The following LINGO2 variants were observed in gnomAD, a reference collection of about 807,000 sequenced individuals.
The protein encoded by LINGO2 is leucine-rich repeat and immunoglobulin-like domain-containing nogo receptor-interacting protein 2.
A neutral mutation model predicts 30.6 loss-of-function variants in LINGO2; 14 were observed. The ratio of observed to expected loss-of-function variants is 0.46; its 90% CI spans 0.30 to 0.72. The LOEUF is 0.72. Ranked by LOEUF, LINGO2 falls within the 30% of genes least tolerant of loss-of-function variation. LINGO2 has a pLI of 0.07. For missense variants in LINGO2, 729 were observed against 751.7 expected (o/e 0.97, Z 0.35); for synonymous variants, 317 against 288.5 (o/e 1.10, Z -1.00).
chr9:29,118,794 T>C, the LINGO2 span, among the ~76,000 whole-genome samples: 1 of 152,170 alleles, frequency 6.6e-6, no homozygotes, highest in African/African-American at 2.4e-5. Flanking sequence ...CTGTGGATCC[T>C]GAAGCAGCCC....
chr9:28,287,058 A>C (rs1823537742), intron 4 of LINGO2, among the ~76,000 whole-genome samples: 1 of 152,168 alleles, frequency 6.6e-6, no homozygotes, highest in East Asian at 1.9e-4. Context: ...CTCTGGGGTT[A>C]AGTCTTAAGG....
At chr9:28,032,420 A>C (rs1466124530) in intron 4 of LINGO2, among the ~76,000 whole-genome samples, 2 of 152,142 alleles carry the variant, frequency 1.3e-5, no homozygotes, top group East Asian at 3.9e-4. Context: ...TGTCTTTGTC[A>C]ACATTACATA....
intron 1 of LINGO2, among the ~76,000 whole-genome samples, chr9:28,558,008 A>T (rs1254183662): frequency 1.8e-4 from 10 of 56,628 alleles, no homozygotes; most frequent in African/African-American, 1.4e-4. Context: ...GGGTGGGGGG[A>T]GGGGGGAGGG....
chr9:29,141,510 C>T, the LINGO2 span, among the ~76,000 whole-genome samples: 4 of 151,112 alleles, frequency 2.6e-5, no homozygotes, highest in African/African-American at 7.3e-5. Context: ...AGGACAAAAA[C>T]AAAGGGAAAA....
the LINGO2 span, among the ~76,000 whole-genome samples, chr9:28,948,320 CATAATACA>C: frequency 2.2e-4 from 33 of 152,136 alleles, no homozygotes; most frequent in African/African-American, 7.2e-4. Flanking sequence ...GAATAAAAAC[CATAATACA>C]ATAATGAAAC....
chr9:28,369,470 C>T (rs973553993), intron 3 of LINGO2, among the ~76,000 whole-genome samples: 4 of 152,126 alleles, frequency 2.6e-5, no homozygotes, highest in African/African-American at 7.2e-5. Context: ...ATTTTGAGTC[C>T]ATCACCATGC....
intron 4 of LINGO2, among the ~76,000 whole-genome samples, chr9:28,180,881 A>G (rs1026128893): frequency 1.3e-5 from 2 of 152,144 alleles, no homozygotes; most frequent in Non-Finnish European, 2.9e-5. Flanking sequence ...TAAAAGAGGG[A>G]AAAACAATGG....
chr9:28,745,544 A>C, the LINGO2 span, among the ~76,000 whole-genome samples: 1 of 152,024 alleles, frequency 6.6e-6, no homozygotes, highest in East Asian at 1.9e-4. Flanking sequence ...CCAGACGTTG[A>C]ATGAGTGGGT....
the LINGO2 span, among the ~76,000 whole-genome samples, chr9:28,677,540 A>G: frequency 2.0e-5 from 3 of 152,112 alleles, no homozygotes; most frequent in African/African-American, 4.8e-5. Flanking sequence ...CACATCTTGG[A>G]TGAAAGTGCA....
At chr9:28,542,806 G>A (rs1413352037) in intron 1 of LINGO2, among the ~76,000 whole-genome samples, 1 of 151,960 alleles carries the variant, frequency 6.6e-6, no homozygotes, top group Non-Finnish European at 1.5e-5. Flanking sequence ...TTAGTATCCT[G>A]GTTATGCTGA....
At chr9:29,170,648 C>A in the LINGO2 span, among the ~76,000 whole-genome samples, 1 of 151,920 alleles carries the variant, frequency 6.6e-6, no homozygotes, top group Non-Finnish European at 1.5e-5. Flanking sequence ...TTAAAGACAT[C>A]ATGTAGACTA....
intron 4 of LINGO2, among the ~76,000 whole-genome samples, chr9:28,043,865 G>A (rs1824301806): frequency 6.6e-6 from 1 of 152,122 alleles, no homozygotes; most frequent in Non-Finnish European, 1.5e-5. Flanking sequence ...CTATAATCAA[G>A]TATCCGTTTA....
At position 28,375,073 on chromosome 9, in the gene LINGO2, C is replaced by T. The variant is rs192430047; in HGVS notation, c.-278-2205G>A. On this transcript the variant is annotated intron_variant, in intron 2 of 5. Coordinates refer to ENST00000379992, the Ensembl canonical transcript of LINGO2. Reference sequence around the variant, plus strand: ...CACCCAAGAAATTCCAACCCCTTATCGCACACACACCCCTTAACACACACA... The same window carrying T: ...CACCCAAGAAATTCCAACCCCTTATTGCACACACACCCCTTAACACACACA... 8.7e-5 allele frequency among the ~76,000 whole-genome samples: 13 copies of T among 149,226 alleles called. No individual in the cohort carries two copies. In the East Asian group the frequency reaches 2.2e-3, roughly 26 times the overall value.
intron 4 of LINGO2, among the ~76,000 whole-genome samples, chr9:28,232,254 C>T (rs190522938): frequency 1.3e-5 from 2 of 151,884 alleles, no homozygotes; most frequent in Admixed American, 1.3e-4. Flanking sequence ...CAAAAAATAG[C>T]TAGGCATGGT....
At chr9:28,664,445 G>T (rs192786525) in intron 1 of LINGO2, among the ~76,000 whole-genome samples, 30 of 152,078 alleles carry the variant, frequency 2.0e-4, no homozygotes, top group African/African-American at 7.2e-4. Context: ...TAGATTTTAC[G>T]TTGATCAGAT....
the LINGO2 span, among the ~76,000 whole-genome samples, chr9:28,729,911 T>G: frequency 6.6e-6 from 1 of 151,964 alleles, no homozygotes; most frequent in Admixed American, 6.6e-5. Flanking sequence ...TTAGAGCATT[T>G]ATATAGAATA....
At chr9:28,896,847 T>C in the LINGO2 span, among the ~76,000 whole-genome samples, 1 of 152,112 alleles carries the variant, frequency 6.6e-6, no homozygotes, top group Non-Finnish European at 1.5e-5. Context: ...TTACATATCA[T>C]CTATAGAAGT....
intron 4 of LINGO2, among the ~76,000 whole-genome samples, chr9:28,227,355 A>G (rs1821206191): frequency 6.6e-6 from 1 of 152,092 alleles, no homozygotes; most frequent in African/African-American, 2.4e-5. Context: ...CTGCTCAAGG[A>G]AAGAAAAAGG....
intron 5 of LINGO2, among the ~76,000 whole-genome samples, chr9:27,992,417 T>C (rs1272507783): frequency 6.6e-6 from 1 of 152,098 alleles, no homozygotes; most frequent in Non-Finnish European, 1.5e-5. Flanking sequence ...TTATTGAGTC[T>C]ATGTGCCATA....
Sources: gnomAD v4.1 joint callset for allele counts (sites outside exome capture counted in the v4.1 genomes callset) on GRCh38, gnomAD v4.1.1 for gene constraint, MANE v1.5 for transcripts, NCBI Gene and HGNC (gene_info 2026-07-23, HGNC 2026-07-21) for gene names.